Variants in SMPD1 observed in about 807,000 individuals in gnomAD.
SMPD1 encodes the protein sphingomyelin phosphodiesterase.
In SMPD1, 47 loss-of-function variants were observed where a neutral mutation model predicts 49.7. The ratio of observed to expected loss-of-function variants is 0.95; its 90% CI spans 0.75 to 1.21. The LOEUF (loss-of-function observed/expected upper bound fraction) is 1.21, where lower values mean the gene tolerates loss of function less well. Among genes scored for constraint, SMPD1 ranks in the 50% most tolerant of loss-of-function variants. The pLI, the probability that SMPD1 is intolerant of heterozygous loss-of-function variation, is 0.00. For missense variants in SMPD1, 811 were observed against 822.2 expected (o/e 0.99, Z 0.17); for synonymous variants, 336 against 339.6 (o/e 0.99, Z 0.12).
rs761696094 is a variant in SMPD1 at position 6,390,706 on chromosome 11, GC to G, written c.109del (p.Leu37TrpfsTer40). 2 of 493,292 alleles carry G rather than the reference GC, an allele frequency of 4.1e-6. No homozygotes were observed. The highest frequency in any genetic ancestry group is 6.4e-5 in the Admixed American group (2 of 31,480). The allele number at this position is 493,292 out of a possible 1,614,324, so 30.6% of individuals were successfully genotyped here. On this transcript the variant is annotated frameshift_variant, in exon 1 of 6. Transcript: ENST00000342245. LOFTEE classifies it high-confidence loss of function. ...CCGGACTCCTTTGGATGGGCCTGGTGCTGGCGCTGGCGCTGGCGCTGGCGCT... is the reference window on the plus strand; with the variant it reads ...CCGGACTCCTTTGGATGGGCCTGGTGTGGCGCTGGCGCTGGCGCTGGCGCT... ...APGLLWMGLV[L>X]ALALALALAL...
rs554647710 is a variant in SMPD1, at chr11:6,394,028, C to A, written c.1473C>A (p.Ile491=). 1.9e-6 allele frequency: 3 copies of A among 1,614,194 alleles called. No homozygotes were observed. Among genetic ancestry groups the A allele is most frequent in the Non-Finnish European group, 2.5e-6 (3 of 1,180,034 alleles). Residue 491 remains isoleucine (I), a synonymous_variant, in exon 5 of 6, where the codon ATC becomes ATA. Transcript: ENST00000342245. The stretch of plus-strand genomic sequence containing the variant: ...TGGCACCCAGTGCAACTACCTACAT[C>A]GGCCTTAATCCTGGTGAGTGAGGCA... ...AFLAPSATTY[I]GLNPGYRVYQ...
chr11:6,390,517 C>A lies in SMPD1; in HGVS notation c.-82C>A. ...AAGGGTAATCGGGTGTCCCCGGCGC[C>A]GCCCGGGGCCCTGAGGGCTGGCTAG... On this transcript the variant is annotated 5_prime_UTR_variant, in exon 1 of 6. Coordinates refer to ENST00000342245, the MANE Select transcript of SMPD1 (RefSeq NM_000543.5). 6.4e-7 allele frequency: 1 copy of A among 1,556,476 alleles called. No individual in the cohort carries two copies. The highest frequency in any genetic ancestry group is 8.7e-7 in the Non-Finnish European group (1 of 1,152,502).
chr11:6,391,820 G>C lies in SMPD1; in HGVS notation c.755G>C (p.Cys252Ser). ...GAGYWGEYSK[C>S]DLPLRTLESL... ...GGATACTGGGGCGAATACAGCAAGT[G>C]TGACCTGCCCCTGAGGACCCTGGAG... Residue 252 changes from cysteine to serine, a missense_variant, in exon 2 of 6, where the codon TGT (cysteine) becomes TCT (serine). Transcript: ENST00000342245. 1.2e-6 allele frequency: 2 copies of C among 1,613,346 alleles called. No homozygotes were observed. The highest frequency in any genetic ancestry group is 1.7e-6 in the Non-Finnish European group (2 of 1,180,036).
rs760930408 is a variant in SMPD1, at chr11:6,393,632, C to T, written c.1279C>T (p.His427Tyr). Residue 427 changes from histidine (H) to tyrosine (Y), a missense_variant, in exon 4 of 6, where the codon CAC becomes TAC. Transcript: ENST00000342245. ...DRGDKVHIIG[H>Y]IPPGHCLKSW... ...TCCCTACTAGGTGCATATAATTGGC[C>T]ACATTCCCCCAGGGCACTGTCTGAA... is the stretch of plus-strand genomic sequence containing the variant. 6.2e-7 allele frequency: 1 copy of T among 1,613,544 alleles called. No individual in the cohort carries two copies. The highest frequency in any genetic ancestry group is 1.3e-5 in the African/African-American group (1 of 74,890).
rs377371222 is a variant in SMPD1 at position 6,394,364 on chromosome 11, G to A, written c.1653G>A (p.Leu551=). Residue 551 remains leucine (L), a synonymous_variant, in exon 6 of 6, where the codon CTG becomes CTA. Transcript: ENST00000342245. ...ARETYGLPNT[L]PTAWHNLVYR... ...AAACCTATGGGCTGCCCAACACACT[G>A]CCTACCGCCTGGCACAACCTGGTAT... 8 of 1,614,112 alleles carry A rather than the reference G, an allele frequency of 5.0e-6. No homozygotes were observed. The highest frequency in any genetic ancestry group is 1.7e-5 in the Admixed American group (1 of 60,012).
At chr11:6,390,990 G>T in intron 1 of SMPD1, 74 bp downstream of exon 1, 1 of 1,569,876 alleles carries the variant, frequency 6.4e-7, no homozygotes, top group Admixed American at 1.7e-5. Flanking sequence ...TGATGCTGGT[G>T]CGCTGGGCTC....
In SMPD1 at chr11:6,390,700, C is replaced by T. The variant is rs889113421; in HGVS notation, c.102C>T (p.Gly34=). The T allele has an allele frequency of 6.5e-7, 1 of 1,546,792 alleles. No homozygotes were observed. Among genetic ancestry groups the T allele is most frequent in the Non-Finnish European group, 8.8e-7 (1 of 1,137,266 alleles). ...GAGCCCCCGGACTCCTTTGGATGGGCCTGGTGCTGGCGCTGGCGCTGGCGC... is the reference window on the plus strand; with the variant it reads ...GAGCCCCCGGACTCCTTTGGATGGGTCTGGTGCTGGCGCTGGCGCTGGCGC... ...TAGAPGLLWM[G]LVLALALALA... The change falls in exon 1 of 6, where the codon GGC becomes GGT. Residue 34 remains glycine (G), a synonymous_variant. Transcript: ENST00000342245.
At position 6,390,784 on chromosome 11, in the gene SMPD1, C is replaced by A. The variant is rs1235402970; in HGVS notation, c.186C>A (p.His62Gln). The A allele has an allele frequency of 1.9e-6, 3 of 1,614,074 alleles. No individual in the cohort carries two copies. The highest frequency in any genetic ancestry group is 2.5e-6 in the Non-Finnish European group (3 of 1,180,002). ...SRVLWAPAEA[H>Q]PLSPQGHPAR... ...TTCTCTGGGCTCCGGCAGAGGCTCACCCTCTTTCTCCCCAAGGCCATCCTG... is the reference window on the plus strand; with the variant it reads ...TTCTCTGGGCTCCGGCAGAGGCTCAACCTCTTTCTCCCCAAGGCCATCCTG... Residue 62 changes from histidine (H) to glutamine (Q), a missense_variant, in exon 1 of 6, where the codon CAC becomes CAA. By Grantham distance (24) the His-to-Gln change is conservative. Transcript: ENST00000342245.
At chr11:6,393,176 T>C (rs1323775862) in intron 2 of SMPD1, 40 bp from the exon 3 acceptor site, 3 of 1,589,552 alleles carry the variant, frequency 1.9e-6, no homozygotes, top group Admixed American at 1.7e-5. Context: ...AGGACCAGGA[T>C]TGGAACAAGT....
chr11:6,390,859 G>A lies in SMPD1; in HGVS notation c.261G>A (p.Gly87=). 1 of 1,614,150 alleles carries A rather than the reference G, an allele frequency of 6.2e-7. No homozygotes were observed. Among genetic ancestry groups the A allele is most frequent in the Non-Finnish European group, 8.5e-7 (1 of 1,180,022 alleles). Residue 87 remains glycine (G), a synonymous_variant, in exon 1 of 6, where the codon GGG becomes GGA. Coordinates refer to ENST00000342245, the MANE Select transcript of SMPD1 (RefSeq NM_000543.5). ...GGCTCCGAGATGTCTTTGGGTGGGG[G>A]AACCTCACCTGCCCAATCTGCAAAG... is the stretch of plus-strand genomic sequence containing the variant. ...VPRLRDVFGW[G]NLTCPICKGL... is the part of the protein sequence containing the mutation.
At chr11:6,392,266 GCT>G in intron 2 of SMPD1, 110 bp downstream of exon 2, 1 of 1,220,902 alleles carries the variant, frequency 8.2e-7, no homozygotes, top group Non-Finnish European at 1.2e-6. Flanking sequence ...AGTCCTTAGT[GCT>G]CTTCATTTGG....
At position 6,390,853 on chromosome 11, in the gene SMPD1, G is replaced by GT; in HGVS notation, c.256dup (p.Trp86LeufsTer56). The stretch of plus-strand genomic sequence containing the variant: ...TGCCCCGGCTCCGAGATGTCTTTGG[G>GT]TGGGGGAACCTCACCTGCCCAATCT... On this transcript the variant is annotated frameshift_variant, in exon 1 of 6. Coordinates refer to ENST00000342245, the MANE Select transcript of SMPD1 (RefSeq NM_000543.5). LOFTEE classifies it high-confidence loss of function. 1 of 1,614,212 alleles carries GT rather than the reference G, an allele frequency of 6.2e-7. No individual in the cohort carries two copies. Among genetic ancestry groups the GT allele is most frequent in the Non-Finnish European group, 8.5e-7 (1 of 1,180,030 alleles).
At position 6,392,486 on chromosome 11, in the gene SMPD1, C is replaced by CA. The variant is rs1847976112; in HGVS notation, c.1091+330_1091+331insA. Among the ~76,000 whole-genome samples the CA allele has an allele frequency of 8.8e-5, 4 of 45,684 alleles. No homozygotes were observed. The East Asian group carries it at 2.6e-3, about 29-fold the overall frequency. The allele number at this position is 45,684 out of a possible 152,430, so 30.0% of individuals were successfully genotyped here. On this transcript the variant is annotated intron_variant, in intron 2 of 5. Coordinates refer to ENST00000342245, the MANE Select transcript of SMPD1 (RefSeq NM_000543.5). ...CATCAGCTACTGCTCCTGGCCCTCCCTTTTTTTTTTTTTTTTTTTTTTTTT... is the reference window on the plus strand; with the variant it reads ...CATCAGCTACTGCTCCTGGCCCTCCCATTTTTTTTTTTTTTTTTTTTTTTTT...
At chr11:6,392,300 T>TTCC in intron 2 of SMPD1, 144 bp downstream of exon 2, 2 of 785,870 alleles carry the variant, frequency 2.5e-6, no homozygotes, top group Non-Finnish European at 4.2e-6. Flanking sequence ...TGACTCCTCC[T>TTCC]TCCCTTTCTA....
chr11:6,392,486 CTTTTTTTTTTTTT>C (rs754271358), intron 2 of SMPD1, among the ~76,000 whole-genome samples: 5 of 45,748 alleles, frequency 1.1e-4, no homozygotes, highest in African/African-American at 1.8e-4. Context: ...CTGGCCCTCC[CTTTTTTTTTTTTT>C]TTTTTTTTTT....
Position 6,390,677 on chromosome 11 carries a change from G to A in SMPD1, c.79G>A (p.Ala27Thr). ...REQGQDGTAGAPGLLWMGLVL... is the reference protein window; with the variant it reads ...REQGQDGTAGTPGLLWMGLVL... Reference sequence around the variant, plus strand: ...GCAGGGACAAGACGGGACCGCCGGAGCCCCCGGACTCCTTTGGATGGGCCT... The same window carrying A: ...GCAGGGACAAGACGGGACCGCCGGAACCCCCGGACTCCTTTGGATGGGCCT... Residue 27 changes from alanine to threonine, a missense_variant, in exon 1 of 6, where the codon GCC (alanine) becomes ACC (threonine). Transcript: ENST00000342245. 6.2e-7 allele frequency: 1 copy of A among 1,611,776 alleles called. No individual in the cohort carries two copies. The highest frequency in any genetic ancestry group is 1.3e-5 in the African/African-American group (1 of 74,750).
rs772795398 is a variant in SMPD1, at chr11:6,390,553, G to A, written c.-46G>A. The stretch of plus-strand genomic sequence containing the variant: ...CTGAGGGCTGGCTAGGGTCCAGGCC[G>A]GGGGGGACGGGACAGACGAACCAGC... On this transcript the variant is annotated 5_prime_UTR_variant, in exon 1 of 6. Coordinates refer to ENST00000342245, the MANE Select transcript of SMPD1 (RefSeq NM_000543.5). 4 of 1,591,014 alleles carry A rather than the reference G, an allele frequency of 2.5e-6. No individual in the cohort carries two copies. The highest frequency in any genetic ancestry group is 3.4e-6 in the Non-Finnish European group (4 of 1,170,356).
In SMPD1 at chr11:6,394,441, A is replaced by ACCC. The variant is rs1848095531; in HGVS notation, c.1730_1731insCCC (p.His577_Lys578insPro). On this transcript the variant is annotated inframe_insertion, in exon 6 of 6. Coordinates refer to ENST00000342245, the MANE Select transcript of SMPD1 (RefSeq NM_000543.5). Reference sequence around the variant, plus strand: ...TTCCAGACCTTCTGGTTTCTCTACCATAAGGGCCACCCACCCTCGGAGCCC... The same window carrying ACCC: ...TTCCAGACCTTCTGGTTTCTCTACCACCCTAAGGGCCACCCACCCTCGGAGCCC... The ACCC allele has an allele frequency of 1.2e-6, 2 of 1,614,054 alleles. No homozygotes were observed. The highest frequency in any genetic ancestry group is 2.7e-5 in the African/African-American group (2 of 74,924).
chr11:6,390,527 C>G lies in SMPD1; in HGVS notation c.-72C>G. ...GGGTGTCCCCGGCGCCGCCCGGGGC[C>G]CTGAGGGCTGGCTAGGGTCCAGGCC... On this transcript the variant is annotated 5_prime_UTR_variant, in exon 1 of 6. Coordinates refer to ENST00000342245, the MANE Select transcript of SMPD1 (RefSeq NM_000543.5). 1.3e-6 allele frequency: 2 copies of G among 1,569,026 alleles called. No homozygotes were observed. Among genetic ancestry groups the G allele is most frequent in the Non-Finnish European group, 1.7e-6 (2 of 1,159,100 alleles).
Sources: allele counts gnomAD v4.1 joint callset (sites outside exome capture counted in the v4.1 genomes callset), GRCh38; gene constraint gnomAD v4.1.1; transcripts MANE v1.5; gene names NCBI Gene and HGNC (gene_info 2026-07-23, HGNC 2026-07-21).